EMSY: variants seen among roughly 807,000 people sequenced by gnomAD.
EMSY encodes BRCA2-interacting transcriptional repressor EMSY.
A neutral mutation model predicts 134.6 loss-of-function variants in EMSY; 26 were observed. The observed-to-expected ratio is 0.19, with a 90% CI of 0.14 to 0.27. The LOEUF is 0.27. EMSY is among the 10% of genes least tolerant of loss of function. The pLI is 1.00. For missense variants in EMSY, 1,305 were observed against 1,611.4 expected (o/e 0.81, Z 3.26); for synonymous variants, 579 against 577.8 (o/e 1.00, Z -0.03).
chr11:76,459,195 T>G (rs1271694363), intron 5 of EMSY: 1 of 152,210 alleles, frequency 6.6e-6, no homozygotes, highest in Non-Finnish European at 1.5e-5. Flanking sequence ...CAAATCCATG[T>G]TTGAATCTTA....
chr11:76,540,807 G>C (rs1951410435), intron 17 of EMSY, among the ~76,000 whole-genome samples: 1 of 152,196 alleles, frequency 6.6e-6, no homozygotes, highest in Non-Finnish European at 1.5e-5. Context: ...TATTGAGAAA[G>C]TTTCAATAAT....
In EMSY at chr11:76,456,899, T is replaced by C. The variant is rs59836811; in HGVS notation, c.246-1284T>C. Among the ~76,000 whole-genome samples, 1,401 of 152,282 alleles carry C rather than the reference T, an allele frequency of 9.2e-3. 20 individuals carry two copies. Among genetic ancestry groups the C allele is most frequent in the African/African-American group, 0.032 (1,337 of 41,552 alleles). ...GGTATACATCAAAGGCAAAACCCATTTGAAAAATTTTATACTTTCTACTTA... is the reference window on the plus strand; with the variant it reads ...GGTATACATCAAAGGCAAAACCCATCTGAAAAATTTTATACTTTCTACTTA... On this transcript the variant is annotated intron_variant, in intron 4 of 20. Coordinates refer to ENST00000334736, the Ensembl canonical transcript of EMSY.
At chr11:76,552,469 G>C (rs943222448), downstream of EMSY, 19 of 152,138 alleles carry the variant, frequency 1.2e-4, no homozygotes, top group African/African-American at 4.6e-4. Context: ...GTAATTTAAA[G>C]TCATCTCTTT....
chr11:76,542,234 C>T lies in EMSY; in HGVS notation c.2576C>T (p.Pro859Leu), dbSNP rs1951464573. 6 of 1,614,060 alleles carry T rather than the reference C, an allele frequency of 3.7e-6. No homozygotes were observed. In the Admixed American group the frequency reaches 8.3e-5, roughly 22 times the overall value. The change falls in exon 18 of 21, where the codon CCC becomes CTC. Residue 859 changes from proline (P) to leucine (L), a missense_variant. Transcript: ENST00000334736. ...TTTTCAGTCAGCCATCGCTCCCAGC[C>T]CCAACAGCCTTCCCAGCCCCAGCGG...
exon 8 of EMSY, chr11:76,472,770 T>A: frequency 6.2e-7 from 1 of 1,614,164 alleles, no homozygotes; most frequent in Non-Finnish European, 8.5e-7. Flanking sequence ...CATCACCTAT[T>A]CCTAATACAG....
intron 8 of EMSY, among the ~76,000 whole-genome samples, chr11:76,489,700 G>A (rs944549333): frequency 1.3e-5 from 2 of 151,708 alleles, no homozygotes; most frequent in African/African-American, 4.9e-5. Context: ...CACCTCCTAG[G>A]TTCCAGCGAT....
At chr11:76,520,210 C>A (rs929456888) in intron 11 of EMSY, among the ~76,000 whole-genome samples, 1 of 152,006 alleles carries the variant, frequency 6.6e-6, no homozygotes, top group African/African-American at 2.4e-5. Context: ...TTTCCTTATG[C>A]TATTCCTTTT....
chr11:76,545,000 C>T (rs890391077), intron 19 of EMSY, 178 bp downstream of exon 20: 44 of 680,666 alleles, frequency 6.5e-5, no homozygotes, highest in Admixed American at 4.4e-4. Flanking sequence ...AAGAAATGCA[C>T]GCATTAATAT....
chr11:76,525,710 GT>G (rs764595441), intron 12 of EMSY, among the ~76,000 whole-genome samples: 14 of 152,114 alleles, frequency 9.2e-5, no homozygotes, highest in Non-Finnish European at 2.1e-4. Flanking sequence ...AAGCTATCTA[GT>G]TAATAGACTA....
intron 8 of EMSY, among the ~76,000 whole-genome samples, chr11:76,490,734 C>A (rs1177170240): frequency 6.6e-6 from 1 of 152,128 alleles, no homozygotes; most frequent in Non-Finnish European, 1.5e-5. Context: ...CCAGGTTCAT[C>A]TTATACTTTT....
intron 14 of EMSY, among the ~76,000 whole-genome samples, chr11:76,530,478 T>G (rs1951001309): frequency 6.6e-6 from 1 of 152,180 alleles, no homozygotes; most frequent in South Asian, 2.1e-4. Flanking sequence ...CAGTTTTTAT[T>G]CTAAGAATGG....
intron 7 of EMSY, among the ~76,000 whole-genome samples, chr11:76,469,048 T>C (rs907276611): frequency 6.6e-6 from 1 of 152,174 alleles, no homozygotes; most frequent in Non-Finnish European, 1.5e-5. Context: ...TCTTTTCAGA[T>C]CAGAAATCAT....
chr11:76,533,319 T>G (rs1951109577), intron 14 of EMSY, among the ~76,000 whole-genome samples: 1 of 152,016 alleles, frequency 6.6e-6, no homozygotes, highest in South Asian at 2.1e-4. Context: ...TCTTCAGGAC[T>G]GTGATGTGGA....
chr11:76,533,000 A>G (rs1951098001), intron 14 of EMSY, among the ~76,000 whole-genome samples: 1 of 152,126 alleles, frequency 6.6e-6, no homozygotes, highest in African/African-American at 2.4e-5. Flanking sequence ...TTTTTTGACC[A>G]TGGAACCCTT....
chr11:76,537,972 A>G, intron 16 of EMSY, 22 bp downstream of exon 17: 1 of 1,588,826 alleles, frequency 6.3e-7, no homozygotes, highest in Non-Finnish European at 8.6e-7. Context: ...CTTAAAATGT[A>G]GTATTAAGGT....
intron 2 of EMSY, among the ~76,000 whole-genome samples, chr11:76,450,161 C>CTGA (rs750723937): frequency 2.6e-5 from 4 of 151,356 alleles, no homozygotes; most frequent in Non-Finnish European, 5.9e-5. Flanking sequence ...ACTTAACTCC[C>CTGA]TGAGGGCAGG....
chr11:76,462,082 C>CA (rs1054828346), intron 6 of EMSY, among the ~76,000 whole-genome samples: 1 of 148,810 alleles, frequency 6.7e-6, no homozygotes, highest in African/African-American at 2.5e-5. Flanking sequence ...ACTAAAAATA[C>CA]AAAAAAATTA....
chr11:76,452,426 T>C (rs886310681), intron 3 of EMSY, among the ~76,000 whole-genome samples: 5 of 152,214 alleles, frequency 3.3e-5, no homozygotes, highest in African/African-American at 1.2e-4. Context: ...GAAGAGGCTC[T>C]TCCTGTTACT....
At chr11:76,455,585 G>A (rs963214477) in intron 4 of EMSY, among the ~76,000 whole-genome samples, 4 of 152,042 alleles carry the variant, frequency 2.6e-5, no homozygotes, top group Non-Finnish European at 5.9e-5. Flanking sequence ...AGGAGTTAAG[G>A]CCTGAAGGAA....
Sources: gnomAD v4.1 joint callset for allele counts (sites outside exome capture counted in the v4.1 genomes callset) on GRCh38, gnomAD v4.1.1 for gene constraint, MANE v1.5 for transcripts, NCBI Gene and HGNC (gene_info 2026-07-23, HGNC 2026-07-21) for gene names.